CDKAL1: variants seen among roughly 807,000 people sequenced by gnomAD.
The protein encoded by CDKAL1 is CDKAL1 threonylcarbamoyladenosine tRNA methylthiotransferase.
In CDKAL1, 32 loss-of-function variants were observed where a neutral mutation model predicts 68.2. That is an observed-to-expected ratio of 0.47 (90% CI 0.35 to 0.63). The LOEUF (loss-of-function observed/expected upper bound fraction) is 0.63. Ranked by LOEUF, CDKAL1 falls within the 30% of genes least tolerant of loss-of-function variation. The pLI, the probability that CDKAL1 is intolerant of heterozygous loss-of-function variation, is 0.00. For synonymous variants in CDKAL1, 234 were observed against 244.3 expected, an observed-to-expected ratio of 0.96 and a Z score of 0.39; for missense variants, 606 against 696.7, an observed-to-expected ratio of 0.87 and a Z score of 1.47.
intron 11 of CDKAL1, among the ~76,000 whole-genome samples, chr6:21,033,937 G>C (rs1769432454): frequency 6.6e-6 from 1 of 152,056 alleles, no homozygotes; most frequent in Non-Finnish European, 1.5e-5. Flanking sequence ...CAGGAGCCAG[G>C]TTACAGAGGG....
intron 4 of CDKAL1, among the ~76,000 whole-genome samples, chr6:20,555,935 T>A (rs924012271): frequency 6.6e-6 from 1 of 152,150 alleles, no homozygotes; most frequent in African/African-American, 2.4e-5. Context: ...GCCAGAGTTT[T>A]AAAATATGTA....
At chr6:20,730,428 AAGAAAGAAAG>A (rs751563944) in intron 5 of CDKAL1, among the ~76,000 whole-genome samples, 5 of 145,892 alleles carry the variant, frequency 3.4e-5, no homozygotes, top group African/African-American at 1.3e-4. Flanking sequence ...AAAAGAAAGG[AAGAAAGAAAG>A]AGAAAGAAAA....
chr6:20,790,885 C>CA lies in CDKAL1; in HGVS notation c.638+9626dup, dbSNP rs1358269728. ...GCATGCTGATTGGTTTGTGAGTACACAAAAAAGGTTAAAATGAAGGCACCA... is the reference window on the plus strand; with the variant it reads ...GCATGCTGATTGGTTTGTGAGTACACAAAAAAAGGTTAAAATGAAGGCACCA... On this transcript the variant is annotated intron_variant, in intron 8 of 15. Coordinates refer to ENST00000274695, the MANE Select transcript of CDKAL1 (RefSeq NM_017774.3). Among the ~76,000 whole-genome samples, 4 of 151,674 alleles carry CA rather than the reference C, an allele frequency of 2.6e-5. No homozygotes were observed. In the East Asian group the frequency reaches 5.8e-4, roughly 22 times the overall value.
At chr6:21,138,012 A>AT (rs994302281) in intron 13 of CDKAL1, among the ~76,000 whole-genome samples, 1 of 151,940 alleles carries the variant, frequency 6.6e-6, no homozygotes, top group African/African-American at 2.4e-5. Context: ...TGTTTTATTC[A>AT]TTTTCCCCCT....
At chr6:20,582,383 A>T (rs567895515) in intron 4 of CDKAL1, among the ~76,000 whole-genome samples, 45 of 152,304 alleles carry the variant, frequency 3.0e-4, no homozygotes, top group African/African-American at 1.0e-3. Flanking sequence ...GAATTTCTGT[A>T]TATTTATTTA....
At chr6:20,899,062 C>CTTT (rs149183099) in intron 9 of CDKAL1, among the ~76,000 whole-genome samples, 2 of 113,806 alleles carry the variant, frequency 1.8e-5, no homozygotes, top group African/African-American at 3.4e-5. Flanking sequence ...TCTTCTAATT[C>CTTT]TTTTTTTTTT....
rs1482638468 is a variant in CDKAL1, at chr6:21,201,119, C to T, written c.1393C>T (p.Pro465Ser). 3 of 1,608,774 alleles carry T rather than the reference C, an allele frequency of 1.9e-6. No homozygotes were observed. Among genetic ancestry groups the T allele is most frequent in the South Asian group, 2.2e-5 (2 of 90,556 alleles). Residue 465 changes from proline (P) to serine (S), a missense_variant, in exon 15 of 16, where the codon CCA (proline) becomes TCA (serine). Transcript: ENST00000274695. The part of the protein sequence containing the change: ...HNQFYEQVLV[P>S]KNPAFMGKMV... ...AACAAATGTGTTTAAGGTTTTAGTG[C>T]CAAAGAACCCTGCGTTCATGGGGAA...
At position 20,699,722 on chromosome 6, in the gene CDKAL1, C is replaced by T. The variant is rs186888677; in HGVS notation, c.372-39797C>T. On this transcript the variant is annotated intron_variant, in intron 5 of 15. Transcript: ENST00000274695. The stretch of plus-strand genomic sequence containing the variant: ...CTCGTCAAGCCGGAGCTCTCAATCT[C>T]TGCATGGCAGAATCAGCTGTAGCGA... 5.9e-5 allele frequency among the ~76,000 whole-genome samples: 9 copies of T among 152,298 alleles called. No homozygotes were observed. The East Asian group carries it at 1.5e-3, about 26-fold the overall frequency.
rs78376846 is a variant in CDKAL1 at position 20,782,307 on chromosome 6, A to G, written c.638+1042A>G. Among the ~76,000 whole-genome samples the G allele has an allele frequency of 5.6e-3, 857 of 152,352 alleles. 12 individuals are homozygous for G. Among genetic ancestry groups the G allele is most frequent in the African/African-American group, 0.019 (792 of 41,574 alleles). On this transcript the variant is annotated intron_variant, in intron 8 of 15. Coordinates refer to ENST00000274695, the MANE Select transcript of CDKAL1 (RefSeq NM_017774.3). ...CTTGGTGAATTTGTTGTAGACCAGC[A>G]TCTGGCCTTCAGCGTTGAAGATTCA...
intron 6 of CDKAL1, among the ~76,000 whole-genome samples, chr6:20,745,778 C>T (rs974569494): frequency 6.6e-6 from 1 of 152,084 alleles, no homozygotes. Context: ...TATTAGTTTG[C>T]GTTGGGCCAC....
intron 9 of CDKAL1, among the ~76,000 whole-genome samples, chr6:20,873,002 G>A (rs1430295828): frequency 6.6e-6 from 1 of 152,152 alleles, no homozygotes; most frequent in African/African-American, 2.4e-5. Context: ...TATAGGGAAG[G>A]GTAATTTTAA....
At chr6:20,835,987 T>C (rs994429509) in intron 8 of CDKAL1, among the ~76,000 whole-genome samples, 1 of 152,160 alleles carries the variant, frequency 6.6e-6, no homozygotes, top group African/African-American at 2.4e-5. Flanking sequence ...CATGAGCAAC[T>C]ACCCTTTCTC....
In CDKAL1 at chr6:21,201,953, C is replaced by T. The variant is rs553579660; in HGVS notation, c.1548+679C>T. On this transcript the variant is annotated intron_variant, in intron 15 of 15. Coordinates refer to ENST00000274695, the MANE Select transcript of CDKAL1 (RefSeq NM_017774.3). ...TCCTTTCTCCAACACAATTGTTAAGCGCTTAAAAAAAAAAAGCATATAACA... is the reference window on the plus strand; with the variant it reads ...TCCTTTCTCCAACACAATTGTTAAGTGCTTAAAAAAAAAAAGCATATAACA... 2.0e-4 allele frequency among the ~76,000 whole-genome samples: 29 copies of T among 143,536 alleles called. 1 individual carries two copies. The highest frequency in any genetic ancestry group is 7.0e-4 in the African/African-American group (28 of 39,826). 94.2% of individuals were successfully genotyped at this position (143,536 alleles called of 152,430 possible). A position where few individuals can be genotyped will look rare whatever the true frequency, so the allele number is the denominator to read the frequency against.
Position 20,985,279 on chromosome 6 carries a change from G to A in CDKAL1, c.910-14948G>A, listed in dbSNP as rs1035838218. On this transcript the variant is annotated intron_variant, in intron 10 of 15. Transcript: ENST00000274695. ...TAGCTATTTTGTAATTACGTTCCAT[G>A]GTTTTTTTGTTTGTTTGTTTTTGGT... Among the ~76,000 whole-genome samples, 12 of 152,024 alleles carry A rather than the reference G, an allele frequency of 7.9e-5. No individual in the cohort carries two copies. The East Asian group carries it at 1.2e-3, about 15-fold the overall frequency.
At chr6:21,108,317 A>G in intron 12 of CDKAL1, 84 bp from the exon 13 acceptor site, 2 of 820,162 alleles carry the variant, frequency 2.4e-6, no homozygotes, top group East Asian at 5.2e-5. Flanking sequence ...ATGTAGAGAT[A>G]TATACACACA....
chr6:21,125,193 T>A (rs1774936169), intron 13 of CDKAL1, among the ~76,000 whole-genome samples: 2 of 152,220 alleles, frequency 1.3e-5, no homozygotes, highest in Admixed American at 6.5e-5. Flanking sequence ...TCCCCTGTGC[T>A]ATTCTCATGA....
chr6:21,169,490 G>A (rs550155053), intron 13 of CDKAL1, among the ~76,000 whole-genome samples: 47 of 152,298 alleles, frequency 3.1e-4, no homozygotes, highest in African/African-American at 9.6e-4. Flanking sequence ...ACAAAAATTA[G>A]CCAGGCTTGG....
chr6:20,802,312 C>CAATAATAATAATAATAATAAT (rs1349564349), intron 8 of CDKAL1, among the ~76,000 whole-genome samples: 3 of 99,710 alleles, frequency 3.0e-5, no homozygotes, highest in Admixed American at 1.0e-4. Flanking sequence ...ACAACAACAA[C>CAATAATAATAATAATAATAAT]AACAATAATA....
chr6:21,108,291 A>C, intron 12 of CDKAL1, 110 bp from the exon 13 acceptor site: 3 of 690,312 alleles, frequency 4.3e-6, no homozygotes, highest in South Asian at 4.0e-5. Context: ...AAAAAAAAAA[A>C]AAAAAAACTT....
Sources: allele counts gnomAD v4.1 joint callset (sites outside exome capture counted in the v4.1 genomes callset), GRCh38; gene constraint gnomAD v4.1.1; transcripts MANE v1.5; gene names NCBI Gene and HGNC (gene_info 2026-07-23, HGNC 2026-07-21).